CCDC50: variants seen among roughly 807,000 people sequenced by gnomAD.
CCDC50 encodes coiled-coil domain containing 50, also known as coiled-coil domain-containing protein 50.
CCDC50 carries 54 observed loss-of-function variants against 70.2 expected under a neutral mutation model. That is an observed-to-expected ratio of 0.77 (90% CI 0.62 to 0.96). The LOEUF is 0.96. CCDC50 is among the 50% of genes least tolerant of loss of function. The pLI, the probability that CCDC50 is intolerant of heterozygous loss-of-function variation, is 0.00. For missense variants in CCDC50, 558 were observed against 578.7 expected (o/e 0.96, Z 0.37); for synonymous variants, 216 against 198.8 (o/e 1.09, Z -0.73).
chr3:191,380,985 G>T lies in CCDC50; in HGVS notation c.1242+53G>T, dbSNP rs190490903. ...TTAGAAATAAAATTAGAAATGAAAA[G>T]GGGACTCTGCTTTTGAGTTAAGCTC... On this transcript the variant is annotated intron_variant, in intron 9 of 11. Coordinates refer to ENST00000392455, the MANE Select transcript of CCDC50 (RefSeq NM_178335.3). 2.3e-5 allele frequency: 33 copies of T among 1,405,266 alleles called. No individual in the cohort carries two copies. In the East Asian group the frequency reaches 7.4e-4, roughly 31 times the overall value. The allele number at this position is 1,405,266 out of a possible 1,614,324, so 87.0% of individuals were successfully genotyped here. A position where few individuals can be genotyped will look rare whatever the true frequency, so the allele number is the denominator to read the frequency against.
chr3:191,377,963 A>G lies in CCDC50; in HGVS notation c.977-2196A>G, dbSNP rs186395825. 3.2e-3 allele frequency among the ~76,000 whole-genome samples: 485 copies of G among 152,266 alleles called. 2 individuals carry two copies. The highest frequency in any genetic ancestry group is 0.011 in the African/African-American group (460 of 41,562). On this transcript the variant is annotated intron_variant, in intron 6 of 11. Coordinates refer to ENST00000392455, the MANE Select transcript of CCDC50 (RefSeq NM_178335.3). ...CTGTTAATTTCCTTCAGTTAATTAC[A>G]TTTAAAAAATTTTTGGACATCTTTG...
chr3:191,334,698 C>T (rs1718086823), intron 1 of CCDC50, among the ~76,000 whole-genome samples: 1 of 152,128 alleles, frequency 6.6e-6, no homozygotes, highest in South Asian at 2.1e-4. Context: ...TCCTTTTCCT[C>T]CTTCCCTCTC....
In CCDC50 at chr3:191,393,861, G is replaced by A. The variant is rs1172288297; in HGVS notation, c.*2101G>A. ...TCGTGTCCTTCAAAGTTTTTTTATT[G>A]TAATTTTAAAGGAAAAAAACAATGT... On this transcript the variant is annotated 3_prime_UTR_variant, in exon 12 of 12. Coordinates refer to ENST00000392455, the MANE Select transcript of CCDC50 (RefSeq NM_178335.3). The A allele has an allele frequency of 2.0e-5, 3 of 151,426 alleles. No individual in the cohort carries two copies. Among genetic ancestry groups the A allele is most frequent in the South Asian group, 2.1e-4 (1 of 4,802 alleles). The allele number at this position is 151,426 out of a possible 1,614,324, so 9.4% of individuals were successfully genotyped here. A position where few individuals can be genotyped will look rare whatever the true frequency, so the allele number is the denominator to read the frequency against.
intron 4 of CCDC50, among the ~76,000 whole-genome samples, chr3:191,363,435 C>A (rs1712566275): frequency 6.6e-6 from 1 of 152,154 alleles, no homozygotes; most frequent in Admixed American, 6.5e-5. Flanking sequence ...TCAGCACCGC[C>A]CTTAACCACG....
rs1712081909 is a variant in CCDC50, at chr3:191,350,771, G to T, written c.50-6317G>T. ...GAGGTGAAAGAAGGAGTTCTTGATAGCAGGAGTGCTGTTCACTGTTTAGAT... is the reference window on the plus strand; with the variant it reads ...GAGGTGAAAGAAGGAGTTCTTGATATCAGGAGTGCTGTTCACTGTTTAGAT... On this transcript the variant is annotated intron_variant, in intron 1 of 11. Coordinates refer to ENST00000392455, the MANE Select transcript of CCDC50 (RefSeq NM_178335.3). Among the ~76,000 whole-genome samples, 3 of 141,922 alleles carry T rather than the reference G, an allele frequency of 2.1e-5. 1 individual carries two copies. In the South Asian group the frequency reaches 6.6e-4, roughly 31 times the overall value. 93.1% of individuals were successfully genotyped at this position (141,922 alleles called of 152,430 possible).
At chr3:191,367,133 G>A (rs1161213957) in intron 4 of CCDC50, among the ~76,000 whole-genome samples, 1 of 152,084 alleles carries the variant, frequency 6.6e-6, no homozygotes, top group Non-Finnish European at 1.5e-5. Context: ...GAGCTTAGAA[G>A]AGCAAAAAGG....
Position 191,380,239 on chromosome 3 carries a change from G to C in CCDC50, c.1057G>C (p.Glu353Gln), listed in dbSNP as rs1713265913. 6 of 1,612,476 alleles carry C rather than the reference G, an allele frequency of 3.7e-6. No individual in the cohort carries two copies. Among genetic ancestry groups the C allele is most frequent in the African/African-American group, 2.7e-5 (2 of 74,832 alleles). ...AHRDQEWYDA[E>Q]IARKLQEEEL... ...CAGGGATCAGGAATGGTATGATGCT[G>C]AAATTGCCAGAAAACTGCAAGAAGA... Residue 353 changes from glutamate to glutamine, a missense_variant, in exon 7 of 12, where the codon GAA becomes CAA. By Grantham distance (29) the Glu-to-Gln change is conservative. Coordinates refer to ENST00000392455, the MANE Select transcript of CCDC50 (RefSeq NM_178335.3).
intron 1 of CCDC50, among the ~76,000 whole-genome samples, chr3:191,332,715 C>T (rs919844963): frequency 3.3e-5 from 5 of 152,216 alleles, no homozygotes; most frequent in African/African-American, 9.6e-5. Flanking sequence ...GACAAACTTA[C>T]ATTTTTCAGG....
In CCDC50 at chr3:191,389,603, G is replaced by T; in HGVS notation, c.1429+1G>T. The T allele has an allele frequency of 6.2e-7, 1 of 1,604,210 alleles. No homozygotes were observed. The highest frequency in any genetic ancestry group is 8.5e-7 in the Non-Finnish European group (1 of 1,170,956). ...TCAAAATCAGAGTCCTCTCATAAAGGTAAGAAGAGTATGTATGGTCAAGTT... is the reference window on the plus strand; with the variant it reads ...TCAAAATCAGAGTCCTCTCATAAAGTTAAGAAGAGTATGTATGGTCAAGTT... On this transcript the variant is annotated splice_donor_variant, in intron 11 of 11. Coordinates refer to ENST00000392455, the MANE Select transcript of CCDC50 (RefSeq NM_178335.3). LOFTEE classifies it high-confidence loss of function.
intron 6 of CCDC50, among the ~76,000 whole-genome samples, chr3:191,378,183 C>T (rs7636627): frequency 0.18 from 26,962 of 151,960 alleles, 3,998 homozygotes; most frequent in African/African-American, 0.4. Flanking sequence ...TTAAATAAAC[C>T]ATTTCCCCTC....
intron 4 of CCDC50, 41 bp downstream of exon 4, chr3:191,361,200 G>A (rs984590821): frequency 2.0e-6 from 3 of 1,473,444 alleles, no homozygotes; most frequent in Non-Finnish European, 2.9e-6. Flanking sequence ...TGGAGAAAGG[G>A]GTGCTCAGCT....
chr3:191,370,678 G>A (rs569064959), intron 5 of CCDC50, among the ~76,000 whole-genome samples: 1 of 151,664 alleles, frequency 6.6e-6, no homozygotes, highest in East Asian at 1.9e-4. Context: ...TAGTAGAGGC[G>A]AGGTTTCACC....
rs188339961 is a variant in CCDC50, at chr3:191,332,380, A to G, written c.49+2657A>G. Among the ~76,000 whole-genome samples, 172 of 152,328 alleles carry G rather than the reference A, an allele frequency of 1.1e-3. 1 individual carries two copies. The highest frequency in any genetic ancestry group is 3.9e-3 in the African/African-American group (161 of 41,564). On this transcript the variant is annotated intron_variant, in intron 1 of 11. Coordinates refer to ENST00000392455, the MANE Select transcript of CCDC50 (RefSeq NM_178335.3). ...GACAAAGGGAAATGATTGAGTTCAT[A>G]TGTAGGTGAAAAGAATCAAGTCAAC...
In CCDC50 at chr3:191,353,496, A is replaced by G. The variant is rs949471096; in HGVS notation, c.50-3592A>G. Among the ~76,000 whole-genome samples, 2 of 141,512 alleles carry G rather than the reference A, an allele frequency of 1.4e-5. 1 individual carries two copies. Among genetic ancestry groups the G allele is most frequent in the Admixed American group, 1.4e-4 (2 of 13,836 alleles). The allele number at this position is 141,512 out of a possible 152,430, so 92.8% of individuals were successfully genotyped here. A position where few individuals can be genotyped will look rare whatever the true frequency, so the allele number is the denominator to read the frequency against. ...GCCGTTTATCCTCAGTAGGCTGTTT[A>G]TGCTGTTTACATCGAAGGCAGAGGA... On this transcript the variant is annotated intron_variant, in intron 1 of 11. Transcript: ENST00000392455.
intron 1 of CCDC50, among the ~76,000 whole-genome samples, chr3:191,344,383 A>G (rs913880470): frequency 1.3e-5 from 2 of 152,254 alleles, no homozygotes; most frequent in African/African-American, 4.8e-5. Context: ...ATTTAGCACT[A>G]GGAATATGAT....
chr3:191,387,848 A>G (rs1004296890), intron 10 of CCDC50, among the ~76,000 whole-genome samples: 3 of 152,124 alleles, frequency 2.0e-5, no homozygotes, highest in African/African-American at 7.2e-5. Context: ...GCCTAATGAC[A>G]TTAATAAAAG....
chr3:191,364,235 A>C (rs1712598852), intron 4 of CCDC50, among the ~76,000 whole-genome samples: 1 of 151,912 alleles, frequency 6.6e-6, no homozygotes, highest in East Asian at 1.9e-4. Context: ...CGTCCGGCTC[A>C]TTTTTTGTAT....
At chr3:191,356,632 G>T (rs1183773167) in intron 1 of CCDC50, among the ~76,000 whole-genome samples, 1 of 152,186 alleles carries the variant, frequency 6.6e-6, no homozygotes, top group Non-Finnish European at 1.5e-5. Context: ...TAAATTGCTG[G>T]GAGAGGATCG....
At chr3:191,363,891 GA>G (rs1290396522) in intron 4 of CCDC50, among the ~76,000 whole-genome samples, 1 of 152,142 alleles carries the variant, frequency 6.6e-6, no homozygotes, top group Non-Finnish European at 1.5e-5. Flanking sequence ...AATATTAAAT[GA>G]AGAAAATTTG....
Sources: gnomAD v4.1 joint callset for allele counts (sites outside exome capture counted in the v4.1 genomes callset) on GRCh38, gnomAD v4.1.1 for gene constraint, MANE v1.5 for transcripts, NCBI Gene and HGNC (gene_info 2026-07-23, HGNC 2026-07-21) for gene names.